Variants in THAP4 observed in about 807,000 individuals in gnomAD.
THAP4 encodes THAP domain containing 4, also known as peroxynitrite isomerase THAP4.
Under a neutral mutation model 48.1 loss-of-function variants are expected in THAP4, and 18 were observed. The observed-to-expected ratio is 0.37, with a 90% CI of 0.26 to 0.56. THAP4 has a LOEUF of 0.56. Among genes scored for constraint, THAP4 ranks in the 20% least tolerant of loss-of-function variants. The pLI is 0.78. For missense variants in THAP4, 656 were observed against 774.9 expected, an observed-to-expected ratio of 0.85 and a Z score of 1.82; for synonymous variants, 345 against 324.9, an observed-to-expected ratio of 1.06 and a Z score of -0.66.
intron 2 of THAP4, among the ~76,000 whole-genome samples, chr2:241,623,045 G>A (rs1347727458): frequency 1.3e-5 from 2 of 151,304 alleles, no homozygotes; most frequent in Admixed American, 6.6e-5. Context: ...GTGAAACCCC[G>A]TCTCTACTAA....
At chr2:241,637,199 C>A, upstream of THAP4, 1 of 986,342 alleles carries the variant, frequency 1.0e-6, no homozygotes, top group Non-Finnish European at 1.2e-6. Flanking sequence ...CCCGCCCCAG[C>A]CCCCGCCCGC....
At chr2:241,626,022 T>A (rs951867145) in intron 2 of THAP4, among the ~76,000 whole-genome samples, 1 of 152,150 alleles carries the variant, frequency 6.6e-6, no homozygotes, top group Non-Finnish European at 1.5e-5. Context: ...AGGCAAATCA[T>A]CTGACCGTAA....
chr2:241,592,907 C>A (rs927811426), intron 5 of THAP4, among the ~76,000 whole-genome samples: 7 of 152,310 alleles, frequency 4.6e-5, no homozygotes, highest in Non-Finnish European at 1.0e-4. Flanking sequence ...ACTGCTACCT[C>A]ACACTACAGA....
Position 241,633,817 on chromosome 2 carries a change from C to T in THAP4, c.340G>A (p.Gly114Arg). Residue 114 changes from glycine to arginine, a missense_variant, in exon 2 of 6, where the codon GGA becomes AGA. Gly to Arg is a moderately radical substitution (Grantham distance 125, BLOSUM62 -2). Transcript: ENST00000407315. The surrounding 1 kb of genome is among the most constrained non-coding windows in gnomAD (Gnocchi z 7.5). ...DASKATGGVR[G>R]HSSAATSRGA... ...CTGCTGGTGGCGGCACTCGAGTGTC[C>T]CCTCACACCCCCTGTGGCCTTGCTG... 2.5e-6 allele frequency: 4 copies of T among 1,613,700 alleles called. No homozygotes were observed. The highest frequency in any genetic ancestry group is 3.4e-6 in the Non-Finnish European group (4 of 1,179,706).
At chr2:241,619,755 T>TCGG (rs2067390676) in intron 2 of THAP4, among the ~76,000 whole-genome samples, 1 of 86,928 alleles carries the variant, frequency 1.2e-5, no homozygotes, top group African/African-American at 4.7e-5. Context: ...GGTGAGTGAG[T>TCGG]TGGTGAGTGA....
intron 5 of THAP4, among the ~76,000 whole-genome samples, chr2:241,590,371 C>T (rs1254197749): frequency 2.1e-4 from 24 of 113,578 alleles, no homozygotes; most frequent in African/African-American, 2.1e-4. Flanking sequence ...TCAGAACTGC[C>T]CGGCTGATGA....
intron 5 of THAP4, among the ~76,000 whole-genome samples, chr2:241,599,072 T>G (rs2067082694): frequency 6.6e-6 from 1 of 151,872 alleles, no homozygotes; most frequent in Non-Finnish European, 1.5e-5. Context: ...GCCAACATGG[T>G]GAAACCCCAT....
intron 2 of THAP4, among the ~76,000 whole-genome samples, chr2:241,629,533 G>T (rs963431396): frequency 6.6e-6 from 1 of 151,036 alleles, no homozygotes; most frequent in African/African-American, 2.4e-5. Context: ...ATAAGAAAAC[G>T]GTGAGGAAGC....
intron 2 of THAP4, among the ~76,000 whole-genome samples, chr2:241,611,724 C>CAA (rs556777493): frequency 1.2e-4 from 12 of 97,674 alleles, no homozygotes; most frequent in Admixed American, 2.1e-4. Context: ...ACTCTGTCTC[C>CAA]AAAAAAAAAA....
At chr2:241,620,456 A>G (rs1191089812) in intron 2 of THAP4, among the ~76,000 whole-genome samples, 5 of 86,210 alleles carry the variant, frequency 5.8e-5, no homozygotes, top group Non-Finnish European at 8.9e-5. Flanking sequence ...TGAGTGAGGG[A>G]TGAGTGAGGG....
intron 2 of THAP4, among the ~76,000 whole-genome samples, chr2:241,630,501 A>G (rs1045311394): frequency 2.6e-5 from 4 of 152,232 alleles, no homozygotes; most frequent in African/African-American, 9.6e-5. Flanking sequence ...ATTAGCTCTG[A>G]TAACTACAAA....
intron 2 of THAP4, among the ~76,000 whole-genome samples, chr2:241,627,620 A>C (rs977086208): frequency 6.6e-6 from 1 of 152,176 alleles, no homozygotes; most frequent in Non-Finnish European, 1.5e-5. Flanking sequence ...CTGAATAGAC[A>C]AGTGTGCGGC....
chr2:241,584,750 T>C (rs776759507), intron 5 of THAP4, 25 bp from the exon 6 acceptor site: 2 of 1,613,962 alleles, frequency 1.2e-6, no homozygotes, highest in African/African-American at 1.3e-5. Flanking sequence ...GGAACAAAGA[T>C]AGCTTAGTTT....
At chr2:241,611,706 A>G (rs2067279322) in intron 2 of THAP4, among the ~76,000 whole-genome samples, 1 of 147,594 alleles carries the variant, frequency 6.8e-6, no homozygotes, top group Non-Finnish European at 1.5e-5. Flanking sequence ...CCTGGGTGAC[A>G]GGGTGAGACT....
chr2:241,600,104 G>A (rs931901436), intron 5 of THAP4, among the ~76,000 whole-genome samples: 1 of 152,198 alleles, frequency 6.6e-6, no homozygotes, highest in Non-Finnish European at 1.5e-5. Flanking sequence ...GCTGAGGCAG[G>A]AGAATCACCT....
Position 241,637,056 on chromosome 2 carries a change from C to T in THAP4, c.-39G>A. The T allele has an allele frequency of 1.7e-6, 2 of 1,143,104 alleles. No individual in the cohort carries two copies. Among genetic ancestry groups the T allele is most frequent in the Non-Finnish European group, 2.2e-6 (2 of 920,734 alleles). The allele number at this position is 1,143,104 out of a possible 1,614,324, so 70.8% of individuals were successfully genotyped here. ...CCAGCCGCGCAGCCAGGCCCCGGCC[C>T]TAGCCGCCCGCCCGCCCGCGGACCG... is the stretch of plus-strand genomic sequence containing the variant. On this transcript the variant is annotated 5_prime_UTR_variant, in exon 1 of 6. Transcript: ENST00000407315.
In THAP4 at chr2:241,626,959, TC is replaced by T. The variant is rs538213441; in HGVS notation, c.1240+5957del. Among the ~76,000 whole-genome samples the T allele has an allele frequency of 1.2e-3, 190 of 152,358 alleles. 1 individual carries two copies. Among genetic ancestry groups the T allele is most frequent in the African/African-American group, 4.3e-3 (177 of 41,570 alleles). On this transcript the variant is annotated intron_variant, in intron 2 of 5. Coordinates refer to ENST00000407315, the MANE Select transcript of THAP4 (RefSeq NM_015963.6). ...TAAATCCACACACATGTCCCTAGTT[TC>T]ACCATTTATCACTCTTCTGACATTC...
chr2:241,603,900 C>A (rs923358854), intron 3 of THAP4, among the ~76,000 whole-genome samples: 3 of 152,028 alleles, frequency 2.0e-5, no homozygotes, highest in African/African-American at 7.2e-5. Flanking sequence ...AGGCCGTAAT[C>A]CCAGCACTTC....
rs772661060 is a variant in THAP4, at chr2:241,633,098, C to T, written c.1059G>A (p.Arg353=). Residue 353 remains arginine, a synonymous_variant, in exon 2 of 6, where the codon CGG becomes CGA. Transcript: ENST00000407315. This position sits in a 1 kb window ranked among gnomAD's most constrained non-coding sequence, Gnocchi z 7.5. The part of the protein sequence containing the change: ...DSLHSYCFSS[R]QNKSQVCCLR... ...GGCAGCACACCTGGCTCTTGTTCTGCCGGGAGGAGAAGCAGTAGGAGTGCA... is the reference window on the plus strand; with the variant it reads ...GGCAGCACACCTGGCTCTTGTTCTGTCGGGAGGAGAAGCAGTAGGAGTGCA... 30 of 1,613,800 alleles carry T rather than the reference C, an allele frequency of 1.9e-5. No homozygotes were observed. The highest frequency in any genetic ancestry group is 2.3e-5 in the Non-Finnish European group (27 of 1,179,980).
Sources: gnomAD v4.1 joint callset for allele counts (sites outside exome capture counted in the v4.1 genomes callset) on GRCh38, gnomAD v4.1.1 for gene constraint, Gnocchi (gnomAD v3.1) non-coding constraint, MANE v1.5 for transcripts, NCBI Gene and HGNC (gene_info 2026-07-23, HGNC 2026-07-21) for gene names.